The following MALRD1 variants were observed in gnomAD, a reference collection of about 807,000 sequenced individuals.
The protein encoded by MALRD1 is MAM and LDL receptor class A domain containing 1, also known as MAM and LDL-receptor class A domain-containing protein 1.
A neutral mutation model predicts 242.1 loss-of-function variants in MALRD1; 247 were observed. The ratio of observed to expected loss-of-function variants is 1.02; its 90% CI spans 0.92 to 1.13. MALRD1 has a LOEUF of 1.13. Ranked by LOEUF, MALRD1 falls within the 50% of genes most tolerant of loss-of-function variation. The probability of loss-of-function intolerance (pLI) is 0.00; values close to 1 mark genes in which losing one functional copy is unlikely to be tolerated. For missense variants in MALRD1, 2,989 were observed against 2,533.1 expected, an observed-to-expected ratio of 1.18 and a Z score of -3.86; for synonymous variants, 995 against 866.6, an observed-to-expected ratio of 1.15 and a Z score of -2.60.
rs575639211 is a variant in MALRD1 at position 19,588,291 on chromosome 10, A to C, written c.5681-6903A>C. Among the ~76,000 whole-genome samples the C allele has an allele frequency of 2.2e-3, 332 of 152,352 alleles. 2 individuals are homozygous for C. Among genetic ancestry groups the C allele is most frequent in the African/African-American group, 6.1e-3 (254 of 41,586 alleles). The stretch of plus-strand genomic sequence containing the variant: ...TGTAACTCCATATTAATTATCAAGA[A>C]AAGTAAAATTACTATTTAAACCACT... On this transcript the variant is annotated intron_variant, in intron 33 of 39. Transcript: ENST00000454679.
chr10:19,677,843 T>G (rs1278265971), intron 36 of MALRD1, among the ~76,000 whole-genome samples: 1 of 152,216 alleles, frequency 6.6e-6, no homozygotes, highest in Non-Finnish European at 1.5e-5. Context: ...TTAATTTTTA[T>G]GTAATGTGTA....
chr10:19,567,589 C>A lies in MALRD1; in HGVS notation c.5566C>A (p.Pro1856Thr). 6.4e-7 allele frequency: 1 copy of A among 1,550,462 alleles called. No homozygotes were observed. Among genetic ancestry groups the A allele is most frequent in the Non-Finnish European group, 8.7e-7 (1 of 1,146,938 alleles). ...AACGGGATGGACATATGGCTCTGTG[C>A]CTCTCTCCAGTAACAGTCCGTTTAA... is the stretch of plus-strand genomic sequence containing the variant. ...KRTGWTYGSV[P>T]LSSNSPFKVA... is the part of the protein sequence containing the mutation. The change falls in exon 33 of 40, where the codon CCT becomes ACT. Residue 1856 changes from proline to threonine, a missense_variant. Physicochemically the swap from Pro to Thr is conservative, Grantham distance 38. Coordinates refer to ENST00000454679, the MANE Select transcript of MALRD1 (RefSeq NM_001142308.3).
chr10:19,600,593 C>A (rs1838298474), intron 34 of MALRD1, among the ~76,000 whole-genome samples: 1 of 152,136 alleles, frequency 6.6e-6, no homozygotes. Flanking sequence ...AGTTTCTCTG[C>A]CATTAGAAAT....
chr10:19,254,866 C>A (rs1839435667), intron 18 of MALRD1, among the ~76,000 whole-genome samples: 1 of 151,822 alleles, frequency 6.6e-6, no homozygotes, highest in Non-Finnish European at 1.5e-5. Context: ...TGAAAGTAAG[C>A]AGCAGGTTGA....
At chr10:19,470,101 T>C (rs1836422229) in intron 29 of MALRD1, among the ~76,000 whole-genome samples, 1 of 152,018 alleles carries the variant, frequency 6.6e-6, no homozygotes, top group African/African-American at 2.4e-5. Context: ...AAACATTACC[T>C]CCACATTTCC....
At chr10:19,490,468 T>G (rs1262869980) in intron 29 of MALRD1, among the ~76,000 whole-genome samples, 1 of 132,192 alleles carries the variant, frequency 7.6e-6, no homozygotes, top group Non-Finnish European at 1.6e-5. Context: ...GTCATACCTC[T>G]GTTTAAAACT....
chr10:19,360,469 T>G (rs371922357), intron 26 of MALRD1, among the ~76,000 whole-genome samples: 1 of 152,064 alleles, frequency 6.6e-6, no homozygotes, highest in South Asian at 2.1e-4. Context: ...GGACTAAAAT[T>G]TCTTCATTAT....
intron 26 of MALRD1, among the ~76,000 whole-genome samples, chr10:19,383,878 T>G (rs563277489): frequency 5.9e-5 from 9 of 151,968 alleles, no homozygotes; most frequent in Non-Finnish European, 8.8e-5. Flanking sequence ...AGGCAGATAA[T>G]TTAAGCAAGG....
chr10:19,345,690 T>C (rs1844084283), intron 24 of MALRD1, among the ~76,000 whole-genome samples: 1 of 152,090 alleles, frequency 6.6e-6, no homozygotes. Flanking sequence ...CTTGAAGACA[T>C]TACAAATTTG....
chr10:19,358,006 C>G (rs1333416834), intron 26 of MALRD1, among the ~76,000 whole-genome samples: 1 of 151,820 alleles, frequency 6.6e-6, no homozygotes, highest in East Asian at 1.9e-4. Flanking sequence ...AAGAGCTTAT[C>G]TGGATGGCAA....
At chr10:19,539,356 C>CTT (rs1834827530) in intron 32 of MALRD1, among the ~76,000 whole-genome samples, 1 of 152,156 alleles carries the variant, frequency 6.6e-6, no homozygotes, top group African/African-American at 2.4e-5. Context: ...GCTTTTCTGC[C>CTT]TTTCAGAACT....
intron 18 of MALRD1, among the ~76,000 whole-genome samples, chr10:19,233,693 A>G (rs1564487109): frequency 6.6e-6 from 1 of 152,186 alleles, no homozygotes; most frequent in Non-Finnish European, 1.5e-5. Context: ...TATGTTTAAT[A>G]CAAAGCATAG....
At chr10:19,446,129 A>G (rs535659317) in intron 28 of MALRD1, among the ~76,000 whole-genome samples, 78 of 152,138 alleles carry the variant, frequency 5.1e-4, no homozygotes, top group Non-Finnish European at 9.8e-4. Flanking sequence ...TGCTAAGACC[A>G]TTGGAAAAGT....
At chr10:19,245,026 G>C (rs544267326) in intron 18 of MALRD1, among the ~76,000 whole-genome samples, 1 of 152,264 alleles carries the variant, frequency 6.6e-6, no homozygotes, top group African/African-American at 2.4e-5. Flanking sequence ...CAGTGAGCTT[G>C]CATCATTGCT....
At chr10:19,156,945 GATCTCTA>G (rs1834172816) in intron 12 of MALRD1, among the ~76,000 whole-genome samples, 4 of 152,250 alleles carry the variant, frequency 2.6e-5, no homozygotes, top group Admixed American at 2.6e-4. Flanking sequence ...CCAAGGCTTC[GATCTCTA>G]AAGGCTATGG....
intron 17 of MALRD1, 22 bp from the exon 18 acceptor site, chr10:19,209,246 T>A (rs1244572773): frequency 6.7e-7 from 1 of 1,484,210 alleles, no homozygotes; most frequent in African/African-American, 1.4e-5. Context: ...TATCTTTTGC[T>A]TTTATTTCAT....
At chr10:19,167,336 G>A (rs2131510979) in intron 13 of MALRD1, among the ~76,000 whole-genome samples, 1 of 152,258 alleles carries the variant, frequency 6.6e-6, no homozygotes, top group Non-Finnish European at 1.5e-5. Flanking sequence ...TGCAGCCTGG[G>A]CAACAGAGTG....
chr10:19,189,638 G>C (rs1835889060), intron 14 of MALRD1, among the ~76,000 whole-genome samples: 1 of 152,030 alleles, frequency 6.6e-6, no homozygotes, highest in Non-Finnish European at 1.5e-5. Flanking sequence ...TTCCTGGAAT[G>C]CAGGAATGGT....
At chr10:19,232,232 T>G (rs1414487611) in intron 18 of MALRD1, among the ~76,000 whole-genome samples, 1 of 152,102 alleles carries the variant, frequency 6.6e-6, no homozygotes, top group Non-Finnish European at 1.5e-5. Context: ...AGTGGTAAGA[T>G]CTCTGCTCAC....
Sources: gnomAD v4.1 joint callset for allele counts (sites outside exome capture counted in the v4.1 genomes callset) on GRCh38, gnomAD v4.1.1 for gene constraint, MANE v1.5 for transcripts, NCBI Gene and HGNC (gene_info 2026-07-23, HGNC 2026-07-21) for gene names.